The following MR1 variants were observed in gnomAD, a reference collection of about 807,000 sequenced individuals.
The protein encoded by MR1 is major histocompatibility complex, class I-related, also known as major histocompatibility complex class I-related protein 1.
Under a neutral mutation model 37.8 loss-of-function variants are expected in MR1, and 44 were observed. The ratio of observed to expected loss-of-function variants is 1.16; its 90% CI spans 0.91 to 1.50. MR1 has a LOEUF of 1.50. MR1 is among the 40% of genes most tolerant of loss of function. The pLI, the probability that MR1 is intolerant of heterozygous loss-of-function variation, is 0.00. For synonymous variants in MR1, 153 were observed against 155.8 expected, an observed-to-expected ratio of 0.98 and a Z score of 0.13; for missense variants, 386 against 419.1, an observed-to-expected ratio of 0.92 and a Z score of 0.69.
chr1:181,052,175 C>T lies in MR1; in HGVS notation c.605-60C>T, dbSNP rs1333100588. 6 of 1,544,692 alleles carry T rather than the reference C, an allele frequency of 3.9e-6. No homozygotes were observed. The African/African-American group carries it at 6.9e-5, about 18-fold the overall frequency. On this transcript the variant is annotated intron_variant, in intron 3 of 5. Coordinates refer to ENST00000367580, the MANE Select transcript of MR1 (RefSeq NM_001385161.1). ...AATTAGGAAAGCCAGTTGCCAAGTT[C>T]TAATATTATATGCTCAGTACATAAG...
rs2102410683 is a variant in MR1 at position 181,057,359 on chromosome 1, C to T, written c.*2094C>T. Reference sequence around the variant, plus strand: ...TGTTGCACTGTGAAGAGAATGTAGGCAAGTTTATTTCTGGAATGGTTTCTT... The same window carrying T: ...TGTTGCACTGTGAAGAGAATGTAGGTAAGTTTATTTCTGGAATGGTTTCTT... On this transcript the variant is annotated 3_prime_UTR_variant, in exon 6 of 6. Transcript: ENST00000367580. 6.6e-6 allele frequency: 1 copy of T among 152,248 alleles called. No individual in the cohort carries two copies. The highest frequency in any genetic ancestry group is 1.9e-4 in the East Asian group (1 of 5,188). The allele number at this position is 152,248 out of a possible 1,614,324, so 9.4% of individuals were successfully genotyped here. A position where few individuals can be genotyped will look rare whatever the true frequency, so the allele number is the denominator to read the frequency against.
chr1:181,052,778 T>A (rs948311412), intron 4 of MR1, among the ~76,000 whole-genome samples: 2 of 152,142 alleles, frequency 1.3e-5, no homozygotes, highest in Non-Finnish European at 1.5e-5. Context: ...ATTTAAAAAT[T>A]AAACACGAAT....
Position 181,060,477 on chromosome 1 carries a change from T to C in MR1, c.*5212T>C, listed in dbSNP as rs1389055507. Reference sequence around the variant, plus strand: ...TGGCTCCACTGGATTATCTAGCAGTTAGGAAACCAAGATCATTAAATGAAT... The same window carrying C: ...TGGCTCCACTGGATTATCTAGCAGTCAGGAAACCAAGATCATTAAATGAAT... On this transcript the variant is annotated 3_prime_UTR_variant, in exon 6 of 6. Transcript: ENST00000367580. 1 of 152,180 alleles carries C rather than the reference T, an allele frequency of 6.6e-6. No homozygotes were observed. The highest frequency in any genetic ancestry group is 1.5e-5 in the Non-Finnish European group (1 of 68,030). 9.4% of individuals were successfully genotyped at this position (152,180 alleles called of 1,614,324 possible). A position where few individuals can be genotyped will look rare whatever the true frequency, so the allele number is the denominator to read the frequency against.
At chr1:181,048,254 G>A (rs1486539084) in intron 1 of MR1, among the ~76,000 whole-genome samples, 6 of 145,740 alleles carry the variant, frequency 4.1e-5, no homozygotes. Flanking sequence ...AATAAATTTC[G>A]GCCAGGCGCA....
At chr1:181,045,759 G>C (rs987968219) in intron 1 of MR1, among the ~76,000 whole-genome samples, 1 of 152,206 alleles carries the variant, frequency 6.6e-6, no homozygotes. Context: ...TCAGCCCACC[G>C]CTGCACTGTG....
intron 1 of MR1, among the ~76,000 whole-genome samples, chr1:181,046,173 C>G (rs113086777): frequency 3.9e-5 from 6 of 152,308 alleles, no homozygotes; most frequent in Non-Finnish European, 5.9e-5. Context: ...CCCTGCTCCA[C>G]GGCGCCAGTC....
intron 4 of MR1, 62 bp from the exon 5 acceptor site, chr1:181,053,511 C>T (rs768827297): frequency 7.5e-7 from 1 of 1,327,184 alleles, no homozygotes. Context: ...ACAAAAGTCC[C>T]AGAAAGTTAA....
chr1:181,054,840 A>G (rs772156160), intron 5 of MR1, among the ~76,000 whole-genome samples: 11 of 152,212 alleles, frequency 7.2e-5, no homozygotes, highest in Non-Finnish European at 1.2e-4. Flanking sequence ...CAGCCTGGGC[A>G]GCAAGAGCGA....
Position 181,050,141 on chromosome 1 carries a change from T to G in MR1, c.459T>G (p.Ala153=). 1 of 1,614,244 alleles carries G rather than the reference T, an allele frequency of 6.2e-7. No individual in the cohort carries two copies. Among genetic ancestry groups the G allele is most frequent in the Non-Finnish European group, 8.5e-7 (1 of 1,180,042 alleles). The change falls in exon 3 of 6, where the codon GCT becomes GCG. Residue 153 remains alanine (A), a synonymous_variant. Transcript: ENST00000367580. The part of the protein sequence containing the change: ...IFNKDTLSWL[A]VDNVAHTIKQ... ...ATAAAGACACCCTCTCCTGGCTGGC[T>G]GTAGATAATGTGGCTCACACCATCA...
intron 1 of MR1, chr1:181,037,244 A>C (rs1657324230): frequency 1.3e-5 from 2 of 152,232 alleles, no homozygotes; most frequent in African/African-American, 2.4e-5. Context: ...CAACTGGGTT[A>C]CTGTTAAAAA....
rs1038324172 is a variant in MR1, at chr1:181,059,915, T to C, written c.*4650T>C. 6.6e-6 allele frequency: 1 copy of C among 152,196 alleles called. No individual in the cohort carries two copies. Among genetic ancestry groups the C allele is most frequent in the African/African-American group, 2.4e-5 (1 of 41,444 alleles). The allele number at this position is 152,196 out of a possible 1,614,324, so 9.4% of individuals were successfully genotyped here. Reference sequence around the variant, plus strand: ...ATCATTGTGGCCATTTTGGGAAAGATGCAACATGTCACAATGTCATGTTCT... The same window carrying C: ...ATCATTGTGGCCATTTTGGGAAAGACGCAACATGTCACAATGTCATGTTCT... On this transcript the variant is annotated 3_prime_UTR_variant, in exon 6 of 6. Coordinates refer to ENST00000367580, the MANE Select transcript of MR1 (RefSeq NM_001385161.1).
chr1:181,042,407 G>A (rs935903533), intron 1 of MR1, among the ~76,000 whole-genome samples: 1 of 151,130 alleles, frequency 6.6e-6, no homozygotes, highest in African/African-American at 2.4e-5. Context: ...CTCCATGTTG[G>A]TCAGGCTGGT....
At chr1:181,040,883 A>T (rs548911463) in intron 1 of MR1, among the ~76,000 whole-genome samples, 31 of 152,224 alleles carry the variant, frequency 2.0e-4, no homozygotes, top group African/African-American at 7.5e-4. Context: ...GGAGTTCAAG[A>T]CCAGCCTGGC....
intron 5 of MR1, 98 bp from the exon 6 acceptor site, chr1:181,055,127 G>A (rs928558150): frequency 9.3e-7 from 1 of 1,080,202 alleles, no homozygotes; most frequent in Non-Finnish European, 1.4e-6. Flanking sequence ...TAAAACTGTC[G>A]ATGCCTGTTT....
In MR1 at chr1:181,050,204, T is replaced by A; in HGVS notation, c.522T>A (p.Tyr174Ter). 3 of 1,614,170 alleles carry A rather than the reference T, an allele frequency of 1.9e-6. No homozygotes were observed. The highest frequency in any genetic ancestry group is 2.5e-6 in the Non-Finnish European group (3 of 1,180,018). ...AGGCCAATCAGCATGAGTTGCTGTA[T>A]CAAAAGAATTGGCTGGAAGAAGAAT... ...AWEANQHELL[Y>*]QKNWLEEECI... Residue 174 changes from tyrosine to a stop codon, truncating the protein, a stop_gained, in exon 3 of 6, where the codon TAT (tyrosine) becomes TAA (stop). Transcript: ENST00000367580. LOFTEE classifies it high-confidence loss of function.
At chr1:181,035,805 C>G (rs1448718363) in intron 1 of MR1, among the ~76,000 whole-genome samples, 5 of 152,114 alleles carry the variant, frequency 3.3e-5, no homozygotes, top group South Asian at 2.1e-4. Context: ...CAGGGCTGTT[C>G]CACAATGTCA....
Position 181,055,721 on chromosome 1 carries a change from A to G in MR1, c.*456A>G, listed in dbSNP as rs1034041161. 1.1e-5 allele frequency: 2 copies of G among 174,152 alleles called. No homozygotes were observed. The highest frequency in any genetic ancestry group is 5.6e-5 in the Admixed American group (1 of 17,964). 10.8% of individuals were successfully genotyped at this position (174,152 alleles called of 1,614,324 possible). ...AAATGGCCTTTCTCATTCATCTTTCATGGGAACATTTATTGTACAAGCGCT... is the reference window on the plus strand; with the variant it reads ...AAATGGCCTTTCTCATTCATCTTTCGTGGGAACATTTATTGTACAAGCGCT... On this transcript the variant is annotated 3_prime_UTR_variant, in exon 6 of 6. Transcript: ENST00000367580.
chr1:181,045,904 G>A (rs1657829973), intron 1 of MR1, among the ~76,000 whole-genome samples: 2 of 152,360 alleles, frequency 1.3e-5, no homozygotes, highest in South Asian at 4.1e-4. Flanking sequence ...AGTGGGCGTG[G>A]GCTTGGCGGG....
intron 5 of MR1, among the ~76,000 whole-genome samples, chr1:181,054,417 C>A (rs1305992640): frequency 1.3e-5 from 2 of 152,132 alleles, no homozygotes; most frequent in African/African-American, 2.4e-5. Context: ...CAGGATAGTA[C>A]CGATGAGACC....
Sources: allele counts gnomAD v4.1 joint callset (sites outside exome capture counted in the v4.1 genomes callset), GRCh38; gene constraint gnomAD v4.1.1; transcripts MANE v1.5; gene names NCBI Gene and HGNC (gene_info 2026-07-23, HGNC 2026-07-21).